The following TRABD2B variants were observed in gnomAD, a reference collection of about 807,000 sequenced individuals.
The protein encoded by TRABD2B is metalloprotease TIKI2.
Under a neutral mutation model 40.1 loss-of-function variants are expected in TRABD2B, and 14 were observed. The ratio of observed to expected loss-of-function variants is 0.35; its 90% CI spans 0.23 to 0.55. The LOEUF (loss-of-function observed/expected upper bound fraction) is 0.55. Ranked by LOEUF, TRABD2B falls within the 20% of genes least tolerant of loss-of-function variation. TRABD2B has a pLI of 0.90. For synonymous variants in TRABD2B, 263 were observed against 277.0 expected, an observed-to-expected ratio of 0.95 and a Z score of 0.50; for missense variants, 541 against 648.6, an observed-to-expected ratio of 0.83 and a Z score of 1.80.
At chr1:47,834,953 A>T (rs191017505) in intron 2 of TRABD2B, among the ~76,000 whole-genome samples, 38 of 152,358 alleles carry the variant, frequency 2.5e-4, no homozygotes, top group Admixed American at 2.4e-3. Context: ...GAAGTCCAGA[A>T]GTTGGACTTA....
chr1:47,794,986 C>G (rs1425267259), intron 3 of TRABD2B, among the ~76,000 whole-genome samples: 1 of 152,082 alleles, frequency 6.6e-6, no homozygotes, highest in African/African-American at 2.4e-5. Context: ...CCTGGCTGAT[C>G]TCGAACTCCT....
chr1:47,798,208 G>A (rs1644773978), intron 3 of TRABD2B, among the ~76,000 whole-genome samples: 1 of 152,206 alleles, frequency 6.6e-6, no homozygotes, highest in African/African-American at 2.4e-5. Context: ...TGTGAGCCCA[G>A]AGGAGGCACC....
chr1:47,896,641 C>A (rs1013815224), intron 2 of TRABD2B, among the ~76,000 whole-genome samples: 1 of 152,150 alleles, frequency 6.6e-6, no homozygotes, highest in Non-Finnish European at 1.5e-5. Flanking sequence ...GCTTGCCAGG[C>A]TATGTGTGAT....
chr1:47,771,820 A>G (rs1644380998), intron 6 of TRABD2B, among the ~76,000 whole-genome samples: 1 of 152,046 alleles, frequency 6.6e-6, no homozygotes, highest in South Asian at 2.1e-4. Context: ...TGCTTCTCTA[A>G]ACTTCCTCCA....
intron 2 of TRABD2B, among the ~76,000 whole-genome samples, chr1:47,808,731 G>A (rs1031545806): frequency 6.6e-6 from 1 of 152,146 alleles, no homozygotes; most frequent in Non-Finnish European, 1.5e-5. Flanking sequence ...AAGAACTAAC[G>A]AGTTAGGATT....
rs887252550 is a variant in TRABD2B at position 47,994,313 on chromosome 1, C to T, written c.387G>A (p.Lys129=). The change falls in exon 2 of 7, where the codon AAG becomes AAA. Residue 129 remains lysine (K), a synonymous_variant. Transcript: ENST00000606738. This position sits in a 1 kb window ranked among gnomAD's most constrained non-coding sequence, Gnocchi z 6.7. The stretch of plus-strand genomic sequence containing the variant: ...GCGTCATCCAGGAGGGCATCATCAA[C>T]TTCACGTAGTCCAGGTGGCGCTTCA... The part of the protein sequence containing the change: ...WRLKRHLDYV[K]LMMPSWMTPA... 2.0e-6 allele frequency: 3 copies of T among 1,536,262 alleles called. No individual in the cohort carries two copies. Among genetic ancestry groups the T allele is most frequent in the Non-Finnish European group, 2.6e-6 (3 of 1,146,970 alleles).
chr1:47,780,928 C>T (rs914901623), intron 4 of TRABD2B, among the ~76,000 whole-genome samples: 2 of 152,252 alleles, frequency 1.3e-5, no homozygotes, highest in African/African-American at 4.8e-5. Flanking sequence ...CTGCCACCAG[C>T]CTCAGTTTTC....
chr1:47,788,943 C>T, intron 4 of TRABD2B, among the ~76,000 whole-genome samples: 1 of 152,142 alleles, frequency 6.6e-6, no homozygotes, highest in East Asian at 1.9e-4. Context: ...TTCTGGATGG[C>T]TGAACAAGTA....
chr1:47,921,702 C>G (rs1644903516), intron 2 of TRABD2B, among the ~76,000 whole-genome samples: 2 of 152,174 alleles, frequency 1.3e-5, no homozygotes, highest in East Asian at 3.8e-4. Context: ...TTACAAAGCA[C>G]CTACTATGGA....
chr1:47,991,011 A>C (rs944783163), intron 2 of TRABD2B, among the ~76,000 whole-genome samples: 1 of 151,296 alleles, frequency 6.6e-6, no homozygotes, highest in Non-Finnish European at 1.5e-5. Context: ...CAAGAAAGAC[A>C]ATTTTAAGCC....
At chr1:47,903,914 G>A (rs1211000628) in intron 2 of TRABD2B, among the ~76,000 whole-genome samples, 2 of 152,188 alleles carry the variant, frequency 1.3e-5, no homozygotes, top group African/African-American at 2.4e-5. Context: ...CTCCAGTTTG[G>A]TCAGATCAGG....
intron 2 of TRABD2B, among the ~76,000 whole-genome samples, chr1:47,929,376 G>T (rs887612273): frequency 2.6e-5 from 4 of 152,206 alleles, no homozygotes; most frequent in African/African-American, 9.7e-5. Flanking sequence ...CCTGGTCATA[G>T]TCTTTACTTA....
Position 47,994,475 on chromosome 1 carries a change from G to C in TRABD2B, c.225C>G (p.Ala75=). Residue 75 remains alanine, a synonymous_variant, in exon 2 of 7, where the codon GCC becomes GCG. Transcript: ENST00000606738. This position sits in a 1 kb window ranked among gnomAD's most constrained non-coding sequence, Gnocchi z 6.7. ...WDFIPDNSKA[A]FQASTRVYFE... ...AGTAGACACGGGTGCTAGCCTGGAAGGCTGCCTTGGAGTTGTCCGGGATGA... is the reference window on the plus strand; with the variant it reads ...AGTAGACACGGGTGCTAGCCTGGAACGCTGCCTTGGAGTTGTCCGGGATGA... 2 of 1,536,186 alleles carry C rather than the reference G, an allele frequency of 1.3e-6. No homozygotes were observed. Among genetic ancestry groups the C allele is most frequent in the Non-Finnish European group, 1.7e-6 (2 of 1,146,922 alleles).
chr1:47,909,492 G>GAGAAGGAGGAGAAGGAGA (rs749722920), intron 2 of TRABD2B, among the ~76,000 whole-genome samples: 6 of 139,888 alleles, frequency 4.3e-5, no homozygotes, highest in African/African-American at 8.3e-5. Flanking sequence ...GAAGGAGAAG[G>GAGAAGGAGGAGAAGGAGA]AGGAGAAGGA....
chr1:47,838,701 G>C (rs1168268477), intron 2 of TRABD2B, among the ~76,000 whole-genome samples: 1 of 152,234 alleles, frequency 6.6e-6, no homozygotes. Flanking sequence ...GTGCTGGAAA[G>C]ACATGGCTAT....
intron 2 of TRABD2B, among the ~76,000 whole-genome samples, chr1:47,940,651 C>G (rs1261055310): frequency 2.0e-5 from 3 of 152,194 alleles, no homozygotes; most frequent in Admixed American, 1.3e-4. Flanking sequence ...TCCTGAGCCC[C>G]GCTACAGTGC....
chr1:47,867,675 C>T (rs1325363671), intron 2 of TRABD2B, among the ~76,000 whole-genome samples: 1 of 151,988 alleles, frequency 6.6e-6, no homozygotes, highest in Admixed American at 6.6e-5. Flanking sequence ...AGTTTCTCTG[C>T]AGTCAGAACA....
intron 2 of TRABD2B, among the ~76,000 whole-genome samples, chr1:47,846,519 A>G (rs1645471944): frequency 6.6e-6 from 1 of 152,028 alleles, no homozygotes; most frequent in Non-Finnish European, 1.5e-5. Context: ...TCACCTGTGG[A>G]GGGGATTGAT....
intron 6 of TRABD2B, among the ~76,000 whole-genome samples, chr1:47,768,229 G>C (rs1395751670): frequency 6.6e-6 from 1 of 152,164 alleles, no homozygotes; most frequent in Non-Finnish European, 1.5e-5. Flanking sequence ...TCTGTCTTTA[G>C]AGAGACTCCA....
Sources: gnomAD v4.1 joint callset for allele counts (sites outside exome capture counted in the v4.1 genomes callset) on GRCh38, gnomAD v4.1.1 for gene constraint, Gnocchi (gnomAD v3.1) non-coding constraint, MANE v1.5 for transcripts, NCBI Gene and HGNC (gene_info 2026-07-23, HGNC 2026-07-21) for gene names.